AKAP4: variants seen among roughly 807,000 people sequenced by gnomAD.
AKAP4 encodes A-kinase anchor protein 4.
A neutral mutation model predicts 42.6 loss-of-function variants in AKAP4; 4 were observed. The observed-to-expected ratio is 0.09, with a 90% CI of 0.05 to 0.22. The LOEUF is 0.22. Ranked by LOEUF, AKAP4 falls within the 10% of genes least tolerant of loss-of-function variation. AKAP4 has a pLI of 1.00. For missense variants in AKAP4, 551 were observed against 630.7 expected, an observed-to-expected ratio of 0.87 and a Z score of 1.35; for synonymous variants, 223 against 233.0, an observed-to-expected ratio of 0.96 and a Z score of 0.39.
chrX:50,196,068 AGGT>A (rs1935188131), intron 4 of AKAP4, among the ~76,000 whole-genome samples: 1 of 112,109 alleles, frequency 8.9e-6, no homozygotes, highest in African/African-American at 3.2e-5. Context: ...AATTAATGCC[AGGT>A]ATAATTTATC....
At position 50,193,372 on chromosome X, in the gene AKAP4, T is replaced by C. The variant is rs782817329; in HGVS notation, c.1341A>G (p.Ser447=). ...EEKETKSQSL[S]YASLKAGSHD... ...GGGACCCAGCTTTTAAAGATGCATATGACAGACTCTGAGACTTAGTCTCCT... is the reference window on the plus strand; with the variant it reads ...GGGACCCAGCTTTTAAAGATGCATACGACAGACTCTGAGACTTAGTCTCCT... Residue 447 remains serine (S), a synonymous_variant, in exon 5 of 6, where the codon TCA becomes TCG. Coordinates refer to ENST00000358526, the MANE Select transcript of AKAP4 (RefSeq NM_003886.3). The C allele has an allele frequency of 1.2e-5, 14 of 1,209,802 alleles. No homozygotes were observed. Among genetic ancestry groups the C allele is most frequent in the Middle Eastern group, 2.3e-4 (1 of 4,375 alleles).
chrX:50,200,767 A>T (rs941191785), intron 1 of AKAP4, 96 bp downstream of exon 1: 40 of 835,131 alleles, frequency 4.8e-5, no homozygotes, highest in Middle Eastern at 2.9e-4. Flanking sequence ...AAAGTATGAA[A>T]ATAGAAACTT....
At position 50,192,784 on chromosome X, in the gene AKAP4, G is replaced by C. The variant is rs1337676770; in HGVS notation, c.1929C>G (p.Phe643Leu). The C allele has an allele frequency of 1.1e-5, 13 of 1,210,094 alleles. No homozygotes were observed. Among genetic ancestry groups the C allele is most frequent in the Non-Finnish European group, 1.5e-5 (13 of 895,319 alleles). Reference sequence around the variant, plus strand: ...CACCTTCGCATGGATCCTCACATTTGAAGGGGTTCTCATTAAGCAGTTTCT... The same window carrying C: ...CACCTTCGCATGGATCCTCACATTTCAAGGGGTTCTCATTAAGCAGTTTCT... ...LIQKLLNENP[F>L]KCEDPCEGEN... The change falls in exon 5 of 6, where the codon TTC (phenylalanine) becomes TTG (leucine). Residue 643 changes from phenylalanine (F) to leucine (L), a missense_variant. Phe to Leu is a conservative substitution (Grantham distance 22, BLOSUM62 0). Transcript: ENST00000358526.
At chrX:50,199,132 C>T (rs1251500615) in intron 1 of AKAP4, among the ~76,000 whole-genome samples, 1 of 110,538 alleles carries the variant, frequency 9.0e-6, no homozygotes, top group Admixed American at 9.6e-5. Flanking sequence ...TTTCTTTACC[C>T]CCTCGAGTAC....
rs782038639 is a variant in AKAP4 at position 50,193,923 on chromosome X, G to C, written c.790C>G (p.Arg264Gly). The part of the protein sequence containing the change: ...SPGNKERISP[R>G]TPASKIASEM... ...GAAGCAATCTTGCTCGCAGGAGTTC[G>C]GGGACTGATTCTCTCTTTGTTCCCA... is the stretch of plus-strand genomic sequence containing the variant. Residue 264 changes from arginine to glycine, a missense_variant, in exon 5 of 6, where the codon CGA (arginine) becomes GGA (glycine). By Grantham distance (125) the Arg-to-Gly change is moderately radical (BLOSUM62 -2). Transcript: ENST00000358526. 8.3e-7 allele frequency: 1 copy of C among 1,211,737 alleles called. No individual in the cohort carries two copies.
In AKAP4 at chrX:50,192,821, A is replaced by T; in HGVS notation, c.1892T>A (p.Leu631Gln). ...ATTAAGCAGTTTCTGAATCAGCATT[A>T]GAACGATGTTTGACATATCCATTTT... is the stretch of plus-strand genomic sequence containing the variant. ...SQKMDMSNIV[L>Q]MLIQKLLNEN... The change falls in exon 5 of 6, where the codon CTA (leucine) becomes CAA (glutamine). Residue 631 changes from leucine to glutamine, a missense_variant. By Grantham distance (113) the Leu-to-Gln change is moderately radical. Coordinates refer to ENST00000358526, the MANE Select transcript of AKAP4 (RefSeq NM_003886.3). 2 of 1,212,052 alleles carry T rather than the reference A, an allele frequency of 1.7e-6. No homozygotes were observed. Among genetic ancestry groups the T allele is most frequent in the Non-Finnish European group, 2.2e-6 (2 of 895,614 alleles).
Position 50,192,521 on chromosome X carries a change from G to A in AKAP4, c.2192C>T (p.Ala731Val). 8.3e-7 allele frequency: 1 copy of A among 1,211,440 alleles called. No homozygotes were observed. Among genetic ancestry groups the A allele is most frequent in the East Asian group, 3.0e-5 (1 of 33,827 alleles). The change falls in exon 5 of 6, where the codon GCA becomes GTA. Residue 731 changes from alanine (A) to valine (V), a missense_variant. Physicochemically the swap from Ala to Val is moderately conservative, Grantham distance 64. Transcript: ENST00000358526. ...GGTGCCCCTGAAATTGGGCTTATTT[G>A]CCGAGGCTGCTTGTTCTTCCAACTC... ...LAELEEQAAS[A>V]NKPNFRGTRC...
chrX:50,199,806 C>T (rs1191561218), intron 1 of AKAP4, among the ~76,000 whole-genome samples: 3 of 60,955 alleles, frequency 4.9e-5, no homozygotes, highest in Non-Finnish European at 9.2e-5. Flanking sequence ...CCCTCCCTCC[C>T]CTTTCCATTC....
chrX:50,193,504 A>G lies in AKAP4; in HGVS notation c.1209T>C (p.Phe403=), dbSNP rs1469104391. 9.9e-6 allele frequency: 12 copies of G among 1,211,886 alleles called. No individual in the cohort carries two copies. In the Middle Eastern group the frequency reaches 6.9e-4, roughly 70 times the overall value. Residue 403 remains phenylalanine (F), a synonymous_variant, in exon 5 of 6, where the codon TTT becomes TTC. Coordinates refer to ENST00000358526, the MANE Select transcript of AKAP4 (RefSeq NM_003886.3). Reference sequence around the variant, plus strand: ...ACAGATTTCTCTTGACAGCTGAGACAAAGTCTGAGTCAGTCATCAGGACCC... The same window carrying G: ...ACAGATTTCTCTTGACAGCTGAGACGAAGTCTGAGTCAGTCATCAGGACCC... ...ITGVLMTDSD[F]VSAVKRNLFN...
intron 2 of AKAP4, among the ~76,000 whole-genome samples, chrX:50,197,960 A>G (rs1164581320): frequency 1.8e-5 from 2 of 111,725 alleles, no homozygotes; most frequent in Admixed American, 9.5e-5. Context: ...TTAGAACTCA[A>G]TTTTCCTGGC....
intron 3 of AKAP4, 58 bp from the exon 4 acceptor site, chrX:50,197,050 G>GC (rs1179533697): frequency 4.9e-6 from 4 of 823,450 alleles, no homozygotes; most frequent in African/African-American, 2.0e-5. Context: ...TCTCCAAGCT[G>GC]CCCCCCTAGG....
intron 5 of AKAP4, among the ~76,000 whole-genome samples, chrX:50,191,664 G>GAA (rs374142741): frequency 0.053 from 1,190 of 22,347 alleles, 5 homozygotes; most frequent in South Asian, 0.17. Context: ...GTGTGTGAGA[G>GAA]AGAGAAAGAG....
At chrX:50,200,736 C>A (rs1305423700) in intron 1 of AKAP4, 127 bp downstream of exon 1, 2 of 619,121 alleles carry the variant, frequency 3.2e-6, no homozygotes, top group African/African-American at 4.5e-5. Context: ...TGATCAAAAT[C>A]TTTTCTGGGT....
chrX:50,193,968 G>C lies in AKAP4; in HGVS notation c.745C>G (p.His249Asp). Residue 249 changes from histidine (H) to aspartate (D), a missense_variant, in exon 5 of 6, where the codon CAT becomes GAT. Physicochemically the swap from His to Asp is moderately conservative, Grantham distance 81 (BLOSUM62 -1). Transcript: ENST00000358526. ...KLEGKSKCLH[H>D]SICPSPGNKE... ...TTCCCAGGGGATGGACAGATTGAAT[G>C]ATGAAGGCATTTGCTTTTACCTTCC... The C allele has an allele frequency of 8.3e-7, 1 of 1,211,219 alleles. No homozygotes were observed. The highest frequency in any genetic ancestry group is 1.1e-6 in the Non-Finnish European group (1 of 895,202).
Position 50,194,529 on chromosome X carries a change from C to A in AKAP4, c.277-93G>T. The A allele has an allele frequency of 4.0e-6, 3 of 744,067 alleles. No individual in the cohort carries two copies. In the East Asian group the frequency reaches 1.0e-4, roughly 26 times the overall value. The allele number at this position is 744,067 out of a possible 1,213,427, so 61.3% of individuals were successfully genotyped here. The stretch of plus-strand genomic sequence containing the variant: ...AAGATGTATCAGATTAGGGATTTGA[C>A]CTTTTGGAGTTTGTATGGGAACGTA... On this transcript the variant is annotated intron_variant, in intron 4 of 5. Transcript: ENST00000358526.
At chrX:50,191,139 T>C in intron 5 of AKAP4, 24 bp from the exon 6 acceptor site, 4 of 1,199,546 alleles carry the variant, frequency 3.3e-6, no homozygotes, top group Non-Finnish European at 4.5e-6. Context: ...AGAGCTAGTG[T>C]GAGTTGCGTG....
At chrX:50,196,842 A>G (rs1557204398) in intron 4 of AKAP4, 49 bp downstream of exon 4, 3 of 954,757 alleles carry the variant, frequency 3.1e-6, no homozygotes, top group African/African-American at 1.9e-5. Context: ...CAGACTCATC[A>G]TTGAGCTCTG....
In AKAP4 at chrX:50,193,395, CCTT is replaced by C; in HGVS notation, c.1315_1317del (p.Lys439del). 8.3e-7 allele frequency: 1 copy of C among 1,211,670 alleles called. No homozygotes were observed. Among genetic ancestry groups the C allele is most frequent in the Non-Finnish European group, 1.1e-6 (1 of 895,502 alleles). ...TATGACAGACTCTGAGACTTAGTCT[CCTT>C]CTCCTCACCTATAAGGGCACTGACC... On this transcript the variant is annotated inframe_deletion, in exon 5 of 6. Transcript: ENST00000358526.
Position 50,194,184 on chromosome X carries a change from G to T in AKAP4, c.529C>A (p.Leu177Ile). The T allele has an allele frequency of 8.3e-7, 1 of 1,211,688 alleles. No homozygotes were observed. The highest frequency in any genetic ancestry group is 3.0e-5 in the East Asian group (1 of 33,802). The change falls in exon 5 of 6, where the codon CTA (leucine) becomes ATA (isoleucine). Residue 177 changes from leucine (L) to isoleucine (I), a missense_variant. By Grantham distance (5) the Leu-to-Ile change is conservative. Coordinates refer to ENST00000358526, the MANE Select transcript of AKAP4 (RefSeq NM_003886.3). ...YLMNRPQNLR[L>I]EMTAAKNTNN... ...GTGTTTTTAGCTGCTGTCATTTCTA[G>T]ACGTAGGTTTTGAGGTCTGTTCATC...
Sources: allele counts gnomAD v4.1 joint callset (sites outside exome capture counted in the v4.1 genomes callset), GRCh38; gene constraint gnomAD v4.1.1; transcripts MANE v1.5; gene names NCBI Gene and HGNC (gene_info 2026-07-23, HGNC 2026-07-21).